Variants in PTPRN2 observed in about 807,000 individuals in gnomAD.
The protein encoded by PTPRN2 is receptor-type tyrosine-protein phosphatase N2.
A neutral mutation model predicts 118.8 loss-of-function variants in PTPRN2; 74 were observed. The ratio of observed to expected loss-of-function variants is 0.62; its 90% CI spans 0.52 to 0.76. The LOEUF (loss-of-function observed/expected upper bound fraction) is 0.76. Ranked by LOEUF, PTPRN2 falls within the 30% of genes least tolerant of loss-of-function variation. The probability of loss-of-function intolerance (pLI) is 0.00; values close to 1 mark genes in which losing one functional copy is unlikely to be tolerated. For missense variants in PTPRN2, 1,481 were observed against 1,394.4 expected, an observed-to-expected ratio of 1.06 and a Z score of -0.99; for synonymous variants, 641 against 608.0, an observed-to-expected ratio of 1.05 and a Z score of -0.80.
intron 2 of PTPRN2, among the ~76,000 whole-genome samples, chr7:158,387,536 G>A (rs1811539429): frequency 6.6e-6 from 1 of 152,304 alleles, no homozygotes; most frequent in Non-Finnish European, 1.5e-5. Context: ...TGGGTCCTGG[G>A]GGGACTGGAC....
intron 2 of PTPRN2, among the ~76,000 whole-genome samples, chr7:158,482,587 A>G (rs1239122854): frequency 4.6e-5 from 7 of 152,222 alleles, no homozygotes; most frequent in African/African-American, 1.4e-4. Flanking sequence ...TACACACTTA[A>G]TAGACCACAG....
At chr7:158,107,014 C>T (rs1815742594) in intron 10 of PTPRN2, among the ~76,000 whole-genome samples, 2 of 152,064 alleles carry the variant, frequency 1.3e-5, no homozygotes, top group Admixed American at 1.3e-4. Flanking sequence ...AATATTTCTT[C>T]CCTAGGAACC....
intron 11 of PTPRN2, among the ~76,000 whole-genome samples, chr7:157,958,701 A>T (rs1424232065): frequency 6.6e-6 from 1 of 152,222 alleles, no homozygotes; most frequent in Non-Finnish European, 1.5e-5. Flanking sequence ...GGCTTAACTA[A>T]GGAGGTGAAG....
rs1213816493 is a variant in PTPRN2, at chr7:157,682,917, C to A, written c.1809G>T (p.Leu603=). Residue 603 remains leucine, a synonymous_variant, in exon 13 of 23, where the codon CTG becomes CTT. Coordinates refer to ENST00000389418, the MANE Select transcript of PTPRN2 (RefSeq NM_002847.5). ...AGTCTTCTTGCTCCGCCTGAGGAGGCAGGAACTTGAGTTTGCTTTTCTGCA... is the reference window on the plus strand; with the variant it reads ...AGTCTTCTTGCTCCGCCTGAGGAGGAAGGAACTTGAGTTTGCTTTTCTGCA... The part of the protein sequence containing the change: ...GVGSKSKLKF[L]PPQAEQEDST... The A allele has an allele frequency of 3.7e-6, 6 of 1,613,544 alleles. No homozygotes were observed. Among genetic ancestry groups the A allele is most frequent in the Non-Finnish European group, 4.2e-6 (5 of 1,179,696 alleles).
intron 3 of PTPRN2, among the ~76,000 whole-genome samples, chr7:158,270,250 A>G (rs1798219400): frequency 6.6e-6 from 1 of 152,242 alleles, no homozygotes; most frequent in Admixed American, 6.5e-5. Context: ...TCCACCGGCC[A>G]AGGGCAGGTC....
intron 3 of PTPRN2, among the ~76,000 whole-genome samples, chr7:158,280,986 T>C (rs966080734): frequency 1.3e-5 from 2 of 152,190 alleles, no homozygotes; most frequent in African/African-American, 4.8e-5. Context: ...CTCAAAGCCA[T>C]GTGCTCGTCA....
chr7:158,014,619 C>T (rs1010007784), intron 11 of PTPRN2, among the ~76,000 whole-genome samples: 5 of 151,932 alleles, frequency 3.3e-5, no homozygotes, highest in Admixed American at 6.6e-5. Context: ...ATCCCTCATC[C>T]ATCCACCCAC....
chr7:158,048,814 T>C (rs957201621), intron 11 of PTPRN2, among the ~76,000 whole-genome samples: 4 of 150,674 alleles, frequency 2.7e-5, no homozygotes, highest in African/African-American at 9.8e-5. Context: ...ACCATCACTA[T>C]CATCATCACC....
intron 1 of PTPRN2, among the ~76,000 whole-genome samples, chr7:158,585,928 A>C (rs1828881809): frequency 6.6e-6 from 1 of 152,200 alleles, no homozygotes; most frequent in African/African-American, 2.4e-5. Context: ...CCCCAGCAAG[A>C]GGCCACTGGT....
At chr7:157,655,878 C>G (rs914421727) in intron 14 of PTPRN2, among the ~76,000 whole-genome samples, 20 of 152,088 alleles carry the variant, frequency 1.3e-4, no homozygotes, top group Admixed American at 1.2e-3. Flanking sequence ...GCCGGCGCCA[C>G]CAGGAAGGCT....
intron 2 of PTPRN2, among the ~76,000 whole-genome samples, chr7:158,387,556 C>A (rs1170163913): frequency 6.6e-6 from 1 of 152,304 alleles, no homozygotes; most frequent in Non-Finnish European, 1.5e-5. Context: ...CTCCAGGGGG[C>A]TGCGGCATCC....
At chr7:157,981,466 AAC>A (rs1803143314) in intron 11 of PTPRN2, among the ~76,000 whole-genome samples, 1 of 152,174 alleles carries the variant, frequency 6.6e-6, no homozygotes, top group Non-Finnish European at 1.5e-5. Flanking sequence ...TCAACACACC[AAC>A]ACACACACAA....
At chr7:157,884,929 C>G (rs1316938559) in intron 12 of PTPRN2, among the ~76,000 whole-genome samples, 4 of 152,152 alleles carry the variant, frequency 2.6e-5, no homozygotes, top group African/African-American at 4.8e-5. Context: ...GGTGCTGAAG[C>G]CTGAGTCTAC....
intron 11 of PTPRN2, among the ~76,000 whole-genome samples, chr7:157,909,834 G>C (rs774706013): frequency 1.3e-5 from 2 of 152,238 alleles, no homozygotes; most frequent in Admixed American, 6.5e-5. Context: ...ATTTGCCCTA[G>C]TGCTTAGAAC....
At chr7:157,934,668 T>G (rs936174781) in intron 11 of PTPRN2, among the ~76,000 whole-genome samples, 17 of 152,250 alleles carry the variant, frequency 1.1e-4, no homozygotes, top group Non-Finnish European at 2.2e-4. Flanking sequence ...GAGCAAAGCA[T>G]CCGGCCTTGG....
chr7:158,373,838 G>A lies in PTPRN2; in HGVS notation c.164-56906C>T, dbSNP rs568524141. Among the ~76,000 whole-genome samples the A allele has an allele frequency of 9.9e-5, 15 of 152,272 alleles. No individual in the cohort carries two copies. In the East Asian group the frequency reaches 2.1e-3, roughly 22 times the overall value. ...CGCTCTCATCCGGCAGCATCTGGGC[G>A]CCCTCTCTGGATGGGAGTGTGGGGA... On this transcript the variant is annotated intron_variant, in intron 2 of 22. Transcript: ENST00000389418.
At chr7:157,918,261 A>T (rs913957616) in intron 11 of PTPRN2, among the ~76,000 whole-genome samples, 1 of 152,268 alleles carries the variant, frequency 6.6e-6, no homozygotes, top group Non-Finnish European at 1.5e-5. Context: ...CAAGGAAATT[A>T]GTATTGTTCT....
chr7:158,131,838 A>AACACAC (rs140758625), intron 9 of PTPRN2, among the ~76,000 whole-genome samples: 5 of 147,900 alleles, frequency 3.4e-5, no homozygotes, highest in African/African-American at 1.3e-4. Flanking sequence ...ACATCTACCC[A>AACACAC]ACACACACAC....
At chr7:158,055,986 C>A (rs1201858274) in intron 11 of PTPRN2, among the ~76,000 whole-genome samples, 1 of 152,218 alleles carries the variant, frequency 6.6e-6, no homozygotes, top group East Asian at 1.9e-4. Flanking sequence ...TAACGGGGCC[C>A]TGTTCCAGAC....
Sources: gnomAD v4.1 joint callset for allele counts (sites outside exome capture counted in the v4.1 genomes callset) on GRCh38, gnomAD v4.1.1 for gene constraint, MANE v1.5 for transcripts, NCBI Gene and HGNC (gene_info 2026-07-23, HGNC 2026-07-21) for gene names.